The following CC2D2A variants were observed in gnomAD, a reference collection of about 807,000 sequenced individuals.
The protein encoded by CC2D2A is coiled-coil and C2 domain containing 2A.
CC2D2A carries 155 observed loss-of-function variants against 212.9 expected under a neutral mutation model. The ratio of observed to expected loss-of-function variants is 0.73; its 90% confidence interval spans 0.64 to 0.83. The LOEUF (loss-of-function observed/expected upper bound fraction) is 0.83. Ranked by LOEUF, CC2D2A falls within the 40% of genes least tolerant of loss-of-function variation. The pLI is 0.00. For synonymous variants in CC2D2A, 667 were observed against 686.5 expected (o/e 0.97, Z 0.44); for missense variants, 1,856 against 1,956.2 (o/e 0.95, Z 0.97).
At chr4:15,544,850 C>T (rs1034642033) in intron 17 of CC2D2A, among the ~76,000 whole-genome samples, 4 of 152,150 alleles carry the variant, frequency 2.6e-5, no homozygotes, top group Non-Finnish European at 5.9e-5. Flanking sequence ...TGTGACAATA[C>T]TATGAAATAA....
rs141581641 is a variant in CC2D2A at position 15,548,487 on chromosome 4, A to C, written c.2182-2337A>C. ...ATAGGATTGTGGTGAAGATTAAACA[A>C]GGTACCACTCCGAAAGGCCCTTAAG... On this transcript the variant is annotated intron_variant, in intron 17 of 36. Transcript: ENST00000424120. Among the ~76,000 whole-genome samples, 197 of 152,196 alleles carry C rather than the reference A, an allele frequency of 1.3e-3. 2 individuals are homozygous for C. The highest frequency in any genetic ancestry group is 4.5e-3 in the African/African-American group (187 of 41,524).
At chr4:15,579,885 C>T (rs1720580215) in intron 29 of CC2D2A, 83 bp from the exon 30 acceptor site, 6 of 1,067,888 alleles carry the variant, frequency 5.6e-6, no homozygotes, top group South Asian at 5.4e-5. Context: ...CCATACATTT[C>T]CTGCATGTTG....
chr4:15,550,672 A>C, intron 17 of CC2D2A, 152 bp from the exon 18 acceptor site: 1 of 475,192 alleles, frequency 2.1e-6, no homozygotes, highest in East Asian at 3.3e-5. Context: ...CATGGAAACC[A>C]TATAGTAACA....
intron 2 of CC2D2A, among the ~76,000 whole-genome samples, chr4:15,477,958 TTAGGAAAAAAAAATC>T (rs955065037): frequency 3.3e-5 from 5 of 152,036 alleles, no homozygotes; most frequent in Admixed American, 2.6e-4. Context: ...AATCCTAATT[TTAGGAAAAAAAAATC>T]TAGTAAGTTT....
At chr4:15,496,696 A>G (rs1560150204) in intron 4 of CC2D2A, among the ~76,000 whole-genome samples, 2 of 152,206 alleles carry the variant, frequency 1.3e-5, no homozygotes, top group Non-Finnish European at 2.9e-5. Context: ...CCTAGATCTG[A>G]TAAACAACTT....
rs546740192 is a variant in CC2D2A, at chr4:15,497,827, T to C, written c.248-4602T>C. ...TCAGAGAATGCCTATTCATGTGTTC[T>C]GCACATTTTAAAAGCAGGATCTTTG... On this transcript the variant is annotated intron_variant, in intron 4 of 36. Transcript: ENST00000424120. Among the ~76,000 whole-genome samples, 3 of 151,552 alleles carry C rather than the reference T, an allele frequency of 2.0e-5. No homozygotes were observed. The East Asian group carries it at 5.8e-4, about 29-fold the overall frequency.
intron 23 of CC2D2A, among the ~76,000 whole-genome samples, chr4:15,562,383 G>A (rs762299031): frequency 1.3e-5 from 2 of 152,210 alleles, no homozygotes; most frequent in Non-Finnish European, 2.9e-5. Context: ...CTTTGTTTCT[G>A]TTTAGTTTCT....
intron 4 of CC2D2A, among the ~76,000 whole-genome samples, chr4:15,484,410 G>A (rs564584859): frequency 2.0e-5 from 3 of 152,126 alleles, no homozygotes; most frequent in South Asian, 2.1e-4. Context: ...TGAGATGAGC[G>A]TCATTGGAGG....
intron 33 of CC2D2A, among the ~76,000 whole-genome samples, chr4:15,593,423 C>T (rs1013268205): frequency 1.1e-4 from 17 of 152,150 alleles, no homozygotes; most frequent in African/African-American, 2.4e-5. Context: ...CAAAGTTCAT[C>T]AAACCTCTTT....
Position 15,565,702 on chromosome 4 carries a change from G to A in CC2D2A, c.3183-1675G>A, listed in dbSNP as rs540827611. 3.3e-3 allele frequency among the ~76,000 whole-genome samples: 506 copies of A among 152,192 alleles called. 3 individuals are homozygous for A. The highest frequency in any genetic ancestry group is 3.3e-3 in the Non-Finnish European group (223 of 67,992). ...AGCTTACTGCAGACTTGGAAATCCT[G>A]GGCTCAAGAGATCCTCCTCCCTCAA... On this transcript the variant is annotated intron_variant, in intron 24 of 36. Coordinates refer to ENST00000424120, the MANE Select transcript of CC2D2A (RefSeq NM_001378615.1).
Position 15,597,475 on chromosome 4 carries a change from C to T in CC2D2A, c.4496+10C>T. The stretch of plus-strand genomic sequence containing the variant: ...CTGAGCTACAAGACAGGTAACATAA[C>T]ATCCATAAATCCACATGTAATCTGT... On this transcript the variant is annotated intron_variant, in intron 35 of 36. Transcript: ENST00000424120. The T allele has an allele frequency of 6.5e-7, 1 of 1,549,428 alleles. No homozygotes were observed. Among genetic ancestry groups the T allele is most frequent in the South Asian group, 1.2e-5 (1 of 84,064 alleles).
At chr4:15,572,092 T>G (rs1720195602) in intron 28 of CC2D2A, among the ~76,000 whole-genome samples, 2 of 152,202 alleles carry the variant, frequency 1.3e-5, no homozygotes, top group African/African-American at 4.8e-5. Context: ...GAGCCACACA[T>G]AACAAGTAGA....
intron 4 of CC2D2A, among the ~76,000 whole-genome samples, chr4:15,497,719 T>C (rs62289345): frequency 0.23 from 35,406 of 152,152 alleles, 4,953 homozygotes; most frequent in Non-Finnish European, 0.31. Context: ...TGGTACCTAA[T>C]TGTGGTTTTG....
At chr4:15,473,521 C>T (rs1215218142) in intron 1 of CC2D2A, among the ~76,000 whole-genome samples, 1 of 152,156 alleles carries the variant, frequency 6.6e-6, no homozygotes, top group Non-Finnish European at 1.5e-5. Flanking sequence ...TCACACAGGG[C>T]TTGTAGGCCT....
At chr4:15,535,341 C>T (rs1718068997) in intron 14 of CC2D2A, among the ~76,000 whole-genome samples, 1 of 151,850 alleles carries the variant, frequency 6.6e-6, no homozygotes, top group African/African-American at 2.4e-5. Context: ...CTGCTGCTAA[C>T]TCTCCCTCCA....
intron 28 of CC2D2A, among the ~76,000 whole-genome samples, chr4:15,570,771 G>A (rs1288952742): frequency 3.3e-5 from 5 of 150,834 alleles, no homozygotes; most frequent in African/African-American, 5.0e-5. Context: ...CAGGAGAATC[G>A]CTTGAACCAG....
At chr4:15,502,553 G>T (rs779898482) in intron 5 of CC2D2A, 36 bp downstream of exon 5, 3 of 1,526,758 alleles carry the variant, frequency 2.0e-6, no homozygotes, top group Admixed American at 4.0e-5. Flanking sequence ...GTTCAGTGCT[G>T]ATTGCAATCT....
intron 17 of CC2D2A, among the ~76,000 whole-genome samples, chr4:15,544,292 G>A (rs1445062490): frequency 6.6e-6 from 1 of 152,184 alleles, no homozygotes; most frequent in Non-Finnish European, 1.5e-5. Context: ...GCCCACATGA[G>A]TCCCTCCCTT....
chr4:15,545,099 G>C (rs1022994259), intron 17 of CC2D2A, among the ~76,000 whole-genome samples: 4 of 152,108 alleles, frequency 2.6e-5, no homozygotes, highest in Admixed American at 2.6e-4. Flanking sequence ...ATTAATCTAG[G>C]AGATACTGTA....
Sources: allele counts gnomAD v4.1 joint callset (sites outside exome capture counted in the v4.1 genomes callset), GRCh38; gene constraint gnomAD v4.1.1; transcripts MANE v1.5; gene names NCBI Gene and HGNC (gene_info 2026-07-23, HGNC 2026-07-21).